The following SLC37A1 variants were observed in gnomAD, a reference collection of about 807,000 sequenced individuals.
SLC37A1 encodes solute carrier family 37 member 1.
In SLC37A1, 49 loss-of-function variants were observed where a neutral mutation model predicts 75.3. The ratio of observed to expected loss-of-function variants is 0.65; its 90% CI spans 0.52 to 0.83. SLC37A1 has a LOEUF of 0.83. SLC37A1 is among the 40% of genes least tolerant of loss of function. The probability of loss-of-function intolerance (pLI) is 0.00; values close to 1 mark genes in which losing one functional copy is unlikely to be tolerated. For synonymous variants in SLC37A1, 268 were observed against 292.1 expected (o/e 0.92, Z 0.84); for missense variants, 566 against 695.0 (o/e 0.81, Z 2.09).
At position 42,580,384 on chromosome 21, in the gene SLC37A1, G is replaced by A; in HGVS notation, c.*24G>A. Reference sequence around the variant, plus strand: ...GACACCCCACCCCAGTCCCGTGGAGGGGGTCTGGGCCCACCCTTCACAACT... The same window carrying A: ...GACACCCCACCCCAGTCCCGTGGAGAGGGTCTGGGCCCACCCTTCACAACT... On this transcript the variant is annotated 3_prime_UTR_variant, in exon 20 of 20. Transcript: ENST00000352133. The A allele has an allele frequency of 6.2e-7, 1 of 1,612,292 alleles. No individual in the cohort carries two copies. Among genetic ancestry groups the A allele is most frequent in the Non-Finnish European group, 8.5e-7 (1 of 1,179,370 alleles).
In SLC37A1 at chr21:42,518,364, C is replaced by G. The variant is rs1601661184; in HGVS notation, c.-91C>G. On this transcript the variant is annotated 5_prime_UTR_variant, in exon 2 of 20. Transcript: ENST00000352133. ...TTCCAGCCTGTGGGAGCGGCAGGGG[C>G]AACAGAGAGAGGATCTGGAGCCAGG... is the stretch of plus-strand genomic sequence containing the variant. 4.0e-5 allele frequency: 61 copies of G among 1,529,282 alleles called. No individual in the cohort carries two copies. The highest frequency in any genetic ancestry group is 1.2e-4 in the Admixed American group (7 of 59,198). 94.7% of individuals were successfully genotyped at this position (1,529,282 alleles called of 1,614,324 possible).
Position 42,547,205 on chromosome 21 carries a change from G to A in SLC37A1, c.768+65G>A. 1 of 1,575,172 alleles carries A rather than the reference G, an allele frequency of 6.3e-7. No individual in the cohort carries two copies. The highest frequency in any genetic ancestry group is 8.7e-7 in the Non-Finnish European group (1 of 1,144,658). On this transcript the variant is annotated intron_variant, in intron 9 of 19. Coordinates refer to ENST00000352133, the MANE Select transcript of SLC37A1 (RefSeq NM_001320537.2). The surrounding 1 kb of genome is among the most constrained non-coding windows in gnomAD (Gnocchi z 6.1). Reference sequence around the variant, plus strand: ...GCGGTTCTGACCACTTCCCCAGCCTGCTCCTGCCTGTGCGGTGTCAGACAG... The same window carrying A: ...GCGGTTCTGACCACTTCCCCAGCCTACTCCTGCCTGTGCGGTGTCAGACAG...
At chr21:42,579,912 A>T (rs993516266) in intron 19 of SLC37A1, 112 bp downstream of exon 19, 1 of 984,496 alleles carries the variant, frequency 1.0e-6, no homozygotes, top group African/African-American at 1.6e-5. Flanking sequence ...CGCGTGGCTT[A>T]TCTTTTCACG....
At position 42,535,699 on chromosome 21, in the gene SLC37A1, G is replaced by GCCTTC. The variant is rs2055120419; in HGVS notation, c.350+151_350+152insTTCCC. 17 of 689,756 alleles carry GCCTTC rather than the reference G, an allele frequency of 2.5e-5. No individual in the cohort carries two copies. The South Asian group carries it at 2.7e-4, about 11-fold the overall frequency. The allele number at this position is 689,756 out of a possible 1,614,324, so 42.7% of individuals were successfully genotyped here. Reference sequence around the variant, plus strand: ...CTGCTGTTCCCTTCCCAAAGACGAGGCCAAGCTTAGGAGAGAGCAAGTGCG... The same window carrying GCCTTC: ...CTGCTGTTCCCTTCCCAAAGACGAGGCCTTCCCAAGCTTAGGAGAGAGCAAGTGCG... On this transcript the variant is annotated intron_variant, in intron 5 of 19. Coordinates refer to ENST00000352133, the MANE Select transcript of SLC37A1 (RefSeq NM_001320537.2).
intron 17 of SLC37A1, among the ~76,000 whole-genome samples, chr21:42,573,549 T>C (rs919233331): frequency 6.6e-6 from 1 of 151,956 alleles, no homozygotes; most frequent in Non-Finnish European, 1.5e-5. Flanking sequence ...TCATGTTGCT[T>C]GGGGGTGTGG....
At chr21:42,565,720 A>T (rs2055959455) in intron 14 of SLC37A1, 107 bp from the exon 15 acceptor site, 1 of 1,018,504 alleles carries the variant, frequency 9.8e-7, no homozygotes, top group Non-Finnish European at 1.5e-6. Context: ...CACTCTTGGG[A>T]TGGCTGCCTG....
At chr21:42,579,616 G>C in intron 18 of SLC37A1, 120 bp from the exon 19 acceptor site, 3 of 686,604 alleles carry the variant, frequency 4.4e-6, no homozygotes, top group Non-Finnish European at 6.5e-6. Context: ...CCCAGGGAAG[G>C]TGCTGTGGGG....
chr21:42,542,072 G>C (rs1040806741), intron 6 of SLC37A1, among the ~76,000 whole-genome samples: 1 of 152,210 alleles, frequency 6.6e-6, no homozygotes, highest in Non-Finnish European at 1.5e-5. Flanking sequence ...ATTCAAAAGA[G>C]ACCGGGAAGC....
At chr21:42,579,299 C>A (rs2056368219) in intron 18 of SLC37A1, among the ~76,000 whole-genome samples, 2 of 152,250 alleles carry the variant, frequency 1.3e-5, no homozygotes, top group South Asian at 4.1e-4. Context: ...AAGTGCTCAC[C>A]TGGCTTTAGA....
At chr21:42,543,895 T>C (rs946721752) in intron 8 of SLC37A1, among the ~76,000 whole-genome samples, 2 of 152,238 alleles carry the variant, frequency 1.3e-5, no homozygotes, top group East Asian at 3.8e-4. Context: ...GAGTCTTCCA[T>C]CTTCCCACAG....
At chr21:42,550,536 A>C (rs555156844) in intron 9 of SLC37A1, among the ~76,000 whole-genome samples, 6 of 152,384 alleles carry the variant, frequency 3.9e-5, no homozygotes, top group African/African-American at 1.4e-4. Flanking sequence ...AGAAGAGCTA[A>C]TACTAATTAC....
At chr21:42,554,775 C>T (rs2055641646) in intron 10 of SLC37A1, among the ~76,000 whole-genome samples, 1 of 152,176 alleles carries the variant, frequency 6.6e-6, no homozygotes, top group Non-Finnish European at 1.5e-5. Context: ...AGCAGGGAGG[C>T]CTCAGTGCAG....
intron 17 of SLC37A1, 36 bp downstream of exon 17, chr21:42,568,474 T>A: frequency 1.3e-6 from 2 of 1,592,076 alleles, no homozygotes; most frequent in Non-Finnish European, 8.6e-7. Flanking sequence ...AGGTTTGGTG[T>A]CTTAGGGGAA....
chr21:42,567,035 A>C lies in SLC37A1; in HGVS notation c.1321A>C (p.Thr441Pro). 6.2e-7 allele frequency: 1 copy of C among 1,608,938 alleles called. No homozygotes were observed. The highest frequency in any genetic ancestry group is 8.5e-7 in the Non-Finnish European group (1 of 1,179,862). ...GGTCAGTGGGCCCTACACACTCATC[A>C]CCACCGCCGTCTCCGCCGACCTGGT... ...ALVSGPYTLI[T>P]TAVSADLGTH... is the part of the protein sequence containing the mutation. The change falls in exon 16 of 20, where the codon ACC (threonine) becomes CCC (proline). Residue 441 changes from threonine (T) to proline (P), a missense_variant. Thr to Pro is a conservative substitution (Grantham distance 38). Transcript: ENST00000352133.
At chr21:42,524,701 C>T (rs115973213) in intron 2 of SLC37A1, among the ~76,000 whole-genome samples, 72 of 152,310 alleles carry the variant, frequency 4.7e-4, no homozygotes, top group Admixed American at 4.6e-3. Flanking sequence ...GTGTGCATCT[C>T]GAGTCCCAGG....
In SLC37A1 at chr21:42,565,728, C is replaced by G. The variant is rs1569034680; in HGVS notation, c.1222-99C>G. ...GGGTTTCCACTCTTGGGATGGCTGC[C>G]TGAGAATCACCCGCCGGGTTTTTGA... On this transcript the variant is annotated intron_variant, in intron 14 of 19. Transcript: ENST00000352133. 3.5e-6 allele frequency: 4 copies of G among 1,133,268 alleles called. No homozygotes were observed. The African/African-American group carries it at 6.2e-5, about 17-fold the overall frequency. The allele number at this position is 1,133,268 out of a possible 1,614,324, so 70.2% of individuals were successfully genotyped here. A position where few individuals can be genotyped will look rare whatever the true frequency, so the allele number is the denominator to read the frequency against.
chr21:42,533,588 G>A (rs561196201), intron 3 of SLC37A1, among the ~76,000 whole-genome samples: 4 of 151,270 alleles, frequency 2.6e-5, no homozygotes, highest in African/African-American at 9.8e-5. Context: ...CCAACGAGAA[G>A]CACCCACTCA....
intron 1 of SLC37A1, among the ~76,000 whole-genome samples, chr21:42,500,190 A>G (rs1370486005): frequency 1.3e-5 from 2 of 152,276 alleles, no homozygotes; most frequent in African/African-American, 2.4e-5. Flanking sequence ...CTATAGAACT[A>G]TGAGGTTGTT....
At chr21:42,539,314 G>A (rs1399341291) in intron 5 of SLC37A1, among the ~76,000 whole-genome samples, 198 bp from the exon 6 acceptor site, 1 of 152,206 alleles carries the variant, frequency 6.6e-6, no homozygotes, top group Non-Finnish European at 1.5e-5. Context: ...CTTCTAAGAT[G>A]TTGCCAGTCT....
Sources: allele counts gnomAD v4.1 joint callset (sites outside exome capture counted in the v4.1 genomes callset), GRCh38; gene constraint gnomAD v4.1.1; non-coding constraint Gnocchi (gnomAD v3.1); transcripts MANE v1.5; gene names NCBI Gene and HGNC (gene_info 2026-07-23, HGNC 2026-07-21).